Variants in ZSWIM5 observed in about 807,000 individuals in gnomAD.
ZSWIM5 encodes zinc finger SWIM domain-containing protein 5.
In ZSWIM5, 55 loss-of-function variants were observed where a neutral mutation model predicts 119.6. That is an observed-to-expected ratio of 0.46 (90% CI 0.37 to 0.58). ZSWIM5 has a LOEUF of 0.58. Ranked by LOEUF, ZSWIM5 falls within the 20% of genes least tolerant of loss-of-function variation. The pLI, the probability that ZSWIM5 is intolerant of heterozygous loss-of-function variation, is 0.00. For missense variants in ZSWIM5, 1,193 were observed against 1,512.8 expected (o/e 0.79, Z 3.51); for synonymous variants, 537 against 606.9 (o/e 0.88, Z 1.69).
At chr1:45,185,964 C>T (rs912602425) in intron 1 of ZSWIM5, among the ~76,000 whole-genome samples, 16 of 152,084 alleles carry the variant, frequency 1.1e-4, no homozygotes, top group South Asian at 2.1e-4. Flanking sequence ...ATGTTTATTG[C>T]GGCATTATTC....
chr1:45,020,819 ATTTTAAAG>A, intron 11 of ZSWIM5, 31 bp from the exon 12 acceptor site: 2 of 1,603,046 alleles, frequency 1.2e-6, no homozygotes, highest in Non-Finnish European at 1.7e-6. Flanking sequence ...GGCAGGGTCT[ATTTTAAAG>A]TTTTACTAAA....
intron 3 of ZSWIM5, 108 bp downstream of exon 3, chr1:45,059,991 A>G (rs1028841377): frequency 1.3e-5 from 17 of 1,343,874 alleles, no homozygotes; most frequent in Middle Eastern, 1.9e-4. Context: ...CAGTTCAGCT[A>G]TGTCAAGTGA....
chr1:45,133,878 C>T (rs1460891411), intron 1 of ZSWIM5, among the ~76,000 whole-genome samples: 1 of 151,904 alleles, frequency 6.6e-6, no homozygotes, highest in Admixed American at 6.6e-5. Context: ...ATCCTTTCCC[C>T]ATTGCTTGTT....
intron 2 of ZSWIM5, among the ~76,000 whole-genome samples, chr1:45,066,544 T>C (rs952374120): frequency 1.3e-5 from 2 of 152,088 alleles, no homozygotes; most frequent in Non-Finnish European, 2.9e-5. Flanking sequence ...GTACTTTTTG[T>C]TCAAAAAAAA....
intron 11 of ZSWIM5, among the ~76,000 whole-genome samples, chr1:45,032,199 C>T (rs1473165411): frequency 1.3e-5 from 2 of 152,164 alleles, no homozygotes; most frequent in East Asian, 3.9e-4. Flanking sequence ...ATGATGGTAG[C>T]TTACTGTAGT....
intron 11 of ZSWIM5, among the ~76,000 whole-genome samples, chr1:45,027,626 C>A (rs898691832): frequency 6.6e-6 from 1 of 152,082 alleles, no homozygotes; most frequent in African/African-American, 2.4e-5. Flanking sequence ...AAACTCCTGA[C>A]CTCATATGAT....
chr1:45,158,951 T>C (rs1307427252), intron 1 of ZSWIM5, among the ~76,000 whole-genome samples: 1 of 152,062 alleles, frequency 6.6e-6, no homozygotes, highest in African/African-American at 2.4e-5. Flanking sequence ...GAGGTGAAAT[T>C]GGAAAGAAAA....
intron 1 of ZSWIM5, among the ~76,000 whole-genome samples, chr1:45,142,166 A>G (rs1645731399): frequency 6.6e-6 from 1 of 151,672 alleles, no homozygotes; most frequent in African/African-American, 2.4e-5. Context: ...AGCCGAGATC[A>G]CACCACTGCA....
At chr1:45,089,710 A>G (rs1409477852) in intron 1 of ZSWIM5, among the ~76,000 whole-genome samples, 1 of 152,168 alleles carries the variant, frequency 6.6e-6, no homozygotes, top group Non-Finnish European at 1.5e-5. Flanking sequence ...GGTGGCTCAC[A>G]TATGTAATCC....
At chr1:45,150,505 C>T (rs1182604973) in intron 1 of ZSWIM5, among the ~76,000 whole-genome samples, 1 of 152,062 alleles carries the variant, frequency 6.6e-6, no homozygotes, top group Non-Finnish European at 1.5e-5. Context: ...GAAAGGCATC[C>T]AAATAGAGAT....
At chr1:45,125,057 A>C (rs914428407) in intron 1 of ZSWIM5, among the ~76,000 whole-genome samples, 8 of 146,144 alleles carry the variant, frequency 5.5e-5, no homozygotes, top group Non-Finnish European at 1.2e-4. Context: ...AAATATATAG[A>C]AGAACTCAAC....
chr1:45,054,143 T>C (rs1272731989), intron 4 of ZSWIM5, among the ~76,000 whole-genome samples: 1 of 152,056 alleles, frequency 6.6e-6, no homozygotes, highest in Non-Finnish European at 1.5e-5. Context: ...CTGAGTGTGA[T>C]AGCCTCTGCC....
intron 1 of ZSWIM5, among the ~76,000 whole-genome samples, chr1:45,132,147 CTATA>C (rs537171007): frequency 3.3e-5 from 5 of 150,890 alleles, no homozygotes; most frequent in Non-Finnish European, 4.4e-5. Flanking sequence ...TTGAATATCA[CTATA>C]TATTTATATA....
At chr1:45,124,263 A>G (rs1645608150) in intron 1 of ZSWIM5, among the ~76,000 whole-genome samples, 3 of 152,172 alleles carry the variant, frequency 2.0e-5, no homozygotes, top group South Asian at 2.1e-4. Flanking sequence ...AAAAAAAATT[A>G]TAACACTGTC....
At chr1:45,090,805 C>T (rs780554621) in intron 1 of ZSWIM5, among the ~76,000 whole-genome samples, 12 of 150,560 alleles carry the variant, frequency 8.0e-5, no homozygotes, top group African/African-American at 1.5e-4. Context: ...GCCTGGGACA[C>T]GGGGTGAGAC....
chr1:45,077,831 C>A (rs1004175771), intron 2 of ZSWIM5, among the ~76,000 whole-genome samples: 1 of 152,220 alleles, frequency 6.6e-6, no homozygotes, highest in Non-Finnish European at 1.5e-5. Flanking sequence ...AAGAATTCAG[C>A]GATATTTCTC....
intron 2 of ZSWIM5, among the ~76,000 whole-genome samples, chr1:45,064,132 G>C (rs68139854): frequency 0.16 from 24,530 of 152,050 alleles, 2,647 homozygotes; most frequent in African/African-American, 0.3. Flanking sequence ...CCGAAAGTAT[G>C]CCCATCTTAT....
At chr1:45,150,760 G>T (rs1003084346) in intron 1 of ZSWIM5, among the ~76,000 whole-genome samples, 1 of 152,108 alleles carries the variant, frequency 6.6e-6, no homozygotes, top group Non-Finnish European at 1.5e-5. Context: ...AGAGCAGCGA[G>T]AAAATGAAGT....
intron 2 of ZSWIM5, among the ~76,000 whole-genome samples, chr1:45,085,251 A>G (rs1645319652): frequency 6.6e-6 from 1 of 152,218 alleles, no homozygotes; most frequent in Admixed American, 6.5e-5. Context: ...CCTAAGGAGC[A>G]GGGTAGCGGA....
Sources: gnomAD v4.1 joint callset for allele counts (sites outside exome capture counted in the v4.1 genomes callset) on GRCh38, gnomAD v4.1.1 for gene constraint, MANE v1.5 for transcripts, NCBI Gene and HGNC (gene_info 2026-07-23, HGNC 2026-07-21) for gene names.